Variants in PCDHA4 observed in about 807,000 individuals in gnomAD.
The protein encoded by PCDHA4 is protocadherin alpha 4.
Under a neutral mutation model 61.4 loss-of-function variants are expected in PCDHA4, and 49 were observed. The ratio of observed to expected loss-of-function variants is 0.80; its 90% CI spans 0.63 to 1.01. PCDHA4 has a LOEUF of 1.01. Ranked by LOEUF, PCDHA4 falls within the 50% of genes least tolerant of loss-of-function variation. PCDHA4 has a pLI of 0.00. For missense variants in PCDHA4, 1,254 were observed against 1,235.8 expected, an observed-to-expected ratio of 1.01 and a Z score of -0.22; for synonymous variants, 590 against 550.3, an observed-to-expected ratio of 1.07 and a Z score of -1.01.
chr5:140,838,077 AGTGTGTGTGT>A (rs57130401), intron 1 of PCDHA4, among the ~76,000 whole-genome samples: 3,081 of 80,626 alleles, frequency 0.038, 55 homozygotes, highest in African/African-American at 0.095. Context: ...ATATATATAT[AGTGTGTGTGT>A]GTGTGTGTGT....
intron 1 of PCDHA4, chr5:140,883,898 C>A (rs781898009): frequency 6.2e-7 from 1 of 1,613,344 alleles, no homozygotes; most frequent in South Asian, 1.1e-5. Flanking sequence ...TGGCGTGCCG[C>A]CTCTGGGCAG....
At chr5:140,871,496 T>C in intron 1 of PCDHA4, 1 of 1,587,392 alleles carries the variant, frequency 6.3e-7, no homozygotes, top group Non-Finnish European at 8.6e-7. Flanking sequence ...CCCGGACAGG[T>C]GAGTTTTCTA....
At chr5:140,835,062 C>G in intron 1 of PCDHA4, 2 of 1,216,122 alleles carry the variant, frequency 1.6e-6, no homozygotes, top group South Asian at 1.5e-5. Context: ...TGGCACCGTT[C>G]AATTACTCAT....
rs2150163807 is a variant in PCDHA4, at chr5:140,829,203, T to G, written c.2385+19631T>G. 22 of 1,614,238 alleles carry G rather than the reference T, an allele frequency of 1.4e-5. No homozygotes were observed. In the South Asian group the frequency reaches 1.5e-4, roughly 11 times the overall value. On this transcript the variant is annotated intron_variant, in intron 1 of 3. Coordinates refer to ENST00000530339, the MANE Select transcript of PCDHA4 (RefSeq NM_018907.4). ...GCTCAATTTGGTACTGTCATCGCCCTAATTAGCGTGAACGACCTCGATTCA... is the reference window on the plus strand; with the variant it reads ...GCTCAATTTGGTACTGTCATCGCCCGAATTAGCGTGAACGACCTCGATTCA...
At chr5:140,882,717 C>T (rs1311295002) in intron 1 of PCDHA4, 1 of 1,614,102 alleles carries the variant, frequency 6.2e-7, no homozygotes, top group Non-Finnish European at 8.5e-7. Context: ...CCTCCGGAAA[C>T]TCGATTTCCA....
intron 1 of PCDHA4, chr5:140,884,247 C>T: frequency 6.2e-7 from 1 of 1,613,398 alleles, no homozygotes. Context: ...CCCGCGCTGA[C>T]GGCCACGGCA....
chr5:140,835,554 C>T (rs2150238113), intron 1 of PCDHA4: 7 of 1,613,942 alleles, frequency 4.3e-6, no homozygotes, highest in Non-Finnish European at 5.9e-6. Context: ...CTCCCTGACG[C>T]CCCGCGTTCC....
intron 1 of PCDHA4, chr5:140,834,959 T>C (rs2150229473): frequency 6.6e-7 from 1 of 1,526,094 alleles, no homozygotes; most frequent in South Asian, 1.2e-5. Flanking sequence ...TAAAACCTCT[T>C]GGACTTGTAT....
chr5:140,869,602 C>T (rs2051279273), intron 1 of PCDHA4: 2 of 1,613,922 alleles, frequency 1.2e-6, no homozygotes, highest in Non-Finnish European at 8.5e-7. Flanking sequence ...AGAGAATGCT[C>T]TATTGACCTA....
At position 140,850,219 on chromosome 5, in the gene PCDHA4, G is replaced by A. The variant is rs201367294; in HGVS notation, c.2385+40647G>A. On this transcript the variant is annotated intron_variant, in intron 1 of 3. Coordinates refer to ENST00000530339, the MANE Select transcript of PCDHA4 (RefSeq NM_018907.4). ...ACACCTCGGATGAGGGGCACTGACG[G>A]CGCAGTGAGCGAGATGGTGCTGCGG... 1.1e-5 allele frequency: 17 copies of A among 1,593,552 alleles called. 1 individual carries two copies. The highest frequency in any genetic ancestry group is 1.3e-5 in the African/African-American group (1 of 74,312).
chr5:140,822,083 T>C, intron 1 of PCDHA4: 3 of 1,614,220 alleles, frequency 1.9e-6, no homozygotes, highest in Non-Finnish European at 2.5e-6. Context: ...GAGTGCAGCA[T>C]CCACCTGGAG....
intron 1 of PCDHA4, among the ~76,000 whole-genome samples, chr5:140,819,185 T>G (rs1365698503): frequency 1.3e-5 from 2 of 152,188 alleles, no homozygotes; most frequent in South Asian, 4.1e-4. Context: ...AAATGACATA[T>G]GTGCATAAAT....
At chr5:140,845,616 T>C (rs1554140941) in intron 1 of PCDHA4, among the ~76,000 whole-genome samples, 1 of 149,626 alleles carries the variant, frequency 6.7e-6, no homozygotes, top group Non-Finnish European at 1.5e-5. Flanking sequence ...TATTGTGGAT[T>C]CTGAAGCTCT....
intron 1 of PCDHA4, chr5:140,843,767 T>A (rs2150366421): frequency 4.0e-6 from 6 of 1,487,048 alleles, no homozygotes; most frequent in African/African-American, 1.4e-5. Context: ...GAAATTGTAG[T>A]TACTTTAAAA....
chr5:140,862,656 C>T, intron 1 of PCDHA4: 1 of 545,296 alleles, frequency 1.8e-6, no homozygotes, highest in Admixed American at 1.9e-5. Flanking sequence ...CCGCGCGGGA[C>T]CGGGACGCGC....
chr5:140,997,557 A>G lies in PCDHA4; in HGVS notation c.2534-12070A>G, dbSNP rs1392974918. On this transcript the variant is annotated intron_variant, in intron 3 of 3. Coordinates refer to ENST00000530339, the MANE Select transcript of PCDHA4 (RefSeq NM_018907.4). ...TACATTATTATAATCTTACAGGACA[A>G]CTGTCATATGTGTGGTCCGTTGTTG... is the stretch of plus-strand genomic sequence containing the variant. Among the ~76,000 whole-genome samples, 15 of 152,262 alleles carry G rather than the reference A, an allele frequency of 9.9e-5. No individual in the cohort carries two copies. In the South Asian group the frequency reaches 1.2e-3, roughly 13 times the overall value.
At chr5:140,874,144 T>C (rs1554167057) in intron 1 of PCDHA4, among the ~76,000 whole-genome samples, 2 of 152,244 alleles carry the variant, frequency 1.3e-5, no homozygotes. Context: ...CTTATACTTG[T>C]AGAGCCATTC....
At chr5:140,879,876 A>G (rs1326051828) in intron 1 of PCDHA4, among the ~76,000 whole-genome samples, 1 of 152,126 alleles carries the variant, frequency 6.6e-6, no homozygotes, top group Non-Finnish European at 1.5e-5. Flanking sequence ...TCATGGTCAC[A>G]TTGCCTCCTC....
At chr5:140,836,821 T>C in intron 1 of PCDHA4, 1 of 1,070,782 alleles carries the variant, frequency 9.3e-7, no homozygotes, top group Non-Finnish European at 1.3e-6. Flanking sequence ...CATAATTTCT[T>C]TTTTAGTTGA....
Sources: allele counts gnomAD v4.1 joint callset (sites outside exome capture counted in the v4.1 genomes callset), GRCh38; gene constraint gnomAD v4.1.1; transcripts MANE v1.5; gene names NCBI Gene and HGNC (gene_info 2026-07-23, HGNC 2026-07-21).